The following PCDHA5 variants were observed in gnomAD, a reference collection of about 807,000 sequenced individuals.
PCDHA5 encodes protocadherin alpha-5.
In PCDHA5, 43 loss-of-function variants were observed where a neutral mutation model predicts 61.6. The observed-to-expected ratio is 0.70, with a 90% CI of 0.55 to 0.90. The LOEUF (loss-of-function observed/expected upper bound fraction) is 0.90. PCDHA5 is among the 40% of genes least tolerant of loss of function. The pLI is 0.00. For synonymous variants in PCDHA5, 627 were observed against 543.9 expected, an observed-to-expected ratio of 1.15 and a Z score of -2.13; for missense variants, 1,298 against 1,222.7, an observed-to-expected ratio of 1.06 and a Z score of -0.92.
intron 1 of PCDHA5, among the ~76,000 whole-genome samples, chr5:140,917,533 T>C (rs1584058253): frequency 6.6e-6 from 1 of 152,346 alleles, no homozygotes; most frequent in East Asian, 1.9e-4. Context: ...GTTTGTATAG[T>C]TTTAGGTTTT....
rs2150138849 is a variant in PCDHA5, at chr5:140,825,337, T to C, written c.2352+1210T>C. On this transcript the variant is annotated intron_variant, in intron 1 of 3. Transcript: ENST00000529859. Reference sequence around the variant, plus strand: ...AATTTTCTGGAAATTTGCATATTTTTCAATATATCTAATATATATTAGATA... The same window carrying C: ...AATTTTCTGGAAATTTGCATATTTTCCAATATATCTAATATATATTAGATA... 3 of 148,006 alleles carry C rather than the reference T, an allele frequency of 2.0e-5. No individual in the cohort carries two copies. In the East Asian group the frequency reaches 5.8e-4, roughly 29 times the overall value. 9.2% of individuals were successfully genotyped at this position (148,006 alleles called of 1,614,324 possible). A position where few individuals can be genotyped will look rare whatever the true frequency, so the allele number is the denominator to read the frequency against.
chr5:140,934,611 C>T (rs1346764744), intron 1 of PCDHA5, among the ~76,000 whole-genome samples: 2 of 151,950 alleles, frequency 1.3e-5, no homozygotes, highest in Non-Finnish European at 2.9e-5. Context: ...TTTGATTAGC[C>T]TGAGGTACAG....
At chr5:140,883,244 G>C in intron 1 of PCDHA5, 3 of 1,614,014 alleles carry the variant, frequency 1.9e-6, no homozygotes, top group Non-Finnish European at 2.5e-6. Context: ...AGTTGACAAA[G>C]GAAATATTCC....
Position 140,857,130 on chromosome 5 carries a change from A to T in PCDHA5, c.2352+33003A>T, listed in dbSNP as rs1554149562. 6.3e-7 allele frequency: 1 copy of T among 1,598,310 alleles called. No individual in the cohort carries two copies. The highest frequency in any genetic ancestry group is 8.6e-7 in the Non-Finnish European group (1 of 1,167,812). On this transcript the variant is annotated intron_variant, in intron 1 of 3. Coordinates refer to ENST00000529859, the MANE Select transcript of PCDHA5 (RefSeq NM_018908.3). Reference sequence around the variant, plus strand: ...TCTCTGTCTCTCCCAGTGAAAGAAGATGCTCAAGTGGGCACCGTCATTGCC... The same window carrying T: ...TCTCTGTCTCTCCCAGTGAAAGAAGTTGCTCAAGTGGGCACCGTCATTGCC...
intron 1 of PCDHA5, among the ~76,000 whole-genome samples, chr5:140,952,977 C>G (rs148504111): frequency 6.6e-6 from 1 of 152,064 alleles, no homozygotes; most frequent in East Asian, 1.9e-4. Flanking sequence ...TTTTAAACAA[C>G]AAGATCTCAT....
intron 1 of PCDHA5, chr5:140,882,620 C>T: frequency 6.2e-7 from 1 of 1,614,220 alleles, no homozygotes; most frequent in Non-Finnish European, 8.5e-7. Flanking sequence ...GCAGGTTTTC[C>T]ATGTGGAGGT....
chr5:140,938,758 A>T (rs2153638695), intron 1 of PCDHA5, among the ~76,000 whole-genome samples: 1 of 152,274 alleles, frequency 6.6e-6, no homozygotes, highest in African/African-American at 2.4e-5. Flanking sequence ...AGGCATAGTT[A>T]TTGGGTACTA....
rs1318290193 is a variant in PCDHA5, at chr5:140,849,912, C to G, written c.2352+25785C>G. ...GAAGGAGAACAACCCGCCGGGCTGCCACATCTTCACGGTGTCTGCGCGGGA... is the reference window on the plus strand; with the variant it reads ...GAAGGAGAACAACCCGCCGGGCTGCGACATCTTCACGGTGTCTGCGCGGGA... On this transcript the variant is annotated intron_variant, in intron 1 of 3. Coordinates refer to ENST00000529859, the MANE Select transcript of PCDHA5 (RefSeq NM_018908.3). 51 of 1,598,266 alleles carry G rather than the reference C, an allele frequency of 3.2e-5. 3 individuals are homozygous for G. The highest frequency in any genetic ancestry group is 4.2e-5 in the Non-Finnish European group (49 of 1,167,792).
At chr5:140,872,485 G>A (rs978511800) in intron 1 of PCDHA5, among the ~76,000 whole-genome samples, 1 of 152,080 alleles carries the variant, frequency 6.6e-6, no homozygotes, top group Non-Finnish European at 1.5e-5. Flanking sequence ...AAATTAGCCA[G>A]ACCTAGTGGT....
intron 3 of PCDHA5, among the ~76,000 whole-genome samples, chr5:141,009,358 C>G (rs993815936): frequency 8.5e-5 from 13 of 152,116 alleles, no homozygotes; most frequent in Admixed American, 6.6e-5. Flanking sequence ...ACTTGGGAGG[C>G]TAAGATGGGA....
intron 1 of PCDHA5, among the ~76,000 whole-genome samples, chr5:140,846,696 G>A (rs1487069290): frequency 1.3e-5 from 2 of 149,188 alleles, no homozygotes; most frequent in African/African-American, 2.5e-5. Context: ...TTAGCAAGTA[G>A]AGAAGATTGT....
At chr5:140,849,751 C>A (rs1664372537) in intron 1 of PCDHA5, 2 of 1,598,420 alleles carry the variant, frequency 1.3e-6, no homozygotes, top group Non-Finnish European at 1.7e-6. Flanking sequence ...GAGAGTGTGT[C>A]CGCCTACGAG....
chr5:140,948,005 T>G (rs246049), intron 1 of PCDHA5, among the ~76,000 whole-genome samples: 85,182 of 151,072 alleles, frequency 0.56, 24,606 homozygotes, highest in African/African-American at 0.69. Flanking sequence ...TTATTAAATT[T>G]AGGAAGTACC....
At chr5:141,004,186 C>T (rs1554259505) in intron 3 of PCDHA5, among the ~76,000 whole-genome samples, 1 of 152,240 alleles carries the variant, frequency 6.6e-6, no homozygotes, top group Non-Finnish European at 1.5e-5. Flanking sequence ...CTTGAGTGCT[C>T]TTAACCAAAA....
chr5:140,850,309 C>T lies in PCDHA5; in HGVS notation c.2352+26182C>T, dbSNP rs2150478880. The stretch of plus-strand genomic sequence containing the variant: ...GTGGACGCCGACTCGGGCTACAACG[C>T]GTGGCTTTCATACGAGCTGCAGCCA... On this transcript the variant is annotated intron_variant, in intron 1 of 3. Coordinates refer to ENST00000529859, the MANE Select transcript of PCDHA5 (RefSeq NM_018908.3). 1.7e-5 allele frequency: 27 copies of T among 1,597,088 alleles called. 3 individuals carry two copies. Among genetic ancestry groups the T allele is most frequent in the Non-Finnish European group, 2.3e-5 (27 of 1,167,652 alleles).
intron 2 of PCDHA5, among the ~76,000 whole-genome samples, chr5:140,981,156 T>C (rs747008016): frequency 2.9e-4 from 44 of 152,360 alleles, no homozygotes; most frequent in Admixed American, 6.5e-4. Context: ...ATTGAACTTA[T>C]ATGTTGCCTT....
chr5:140,902,666 C>A (rs1554190555), intron 1 of PCDHA5, among the ~76,000 whole-genome samples: 1 of 152,122 alleles, frequency 6.6e-6, no homozygotes, highest in Non-Finnish European at 1.5e-5. Context: ...GTCACCCAAG[C>A]AGTGTACACC....
chr5:140,868,183 T>A (rs1286748964), intron 1 of PCDHA5: 2 of 152,160 alleles, frequency 1.3e-5, no homozygotes, highest in African/African-American at 4.8e-5. Flanking sequence ...TCTCATATTA[T>A]GCTACTATGG....
Position 141,000,581 on chromosome 5 carries a change from C to G in PCDHA5, c.2501-9046C>G, listed in dbSNP as rs960660351. On this transcript the variant is annotated intron_variant, in intron 3 of 3. Transcript: ENST00000529859. ...TAGCTGGGATTACAGGTGCCTGCCA[C>G]CATGCCCAGCTAATTTTTGTATTTT... is the stretch of plus-strand genomic sequence containing the variant. 2.0e-5 allele frequency among the ~76,000 whole-genome samples: 3 copies of G among 150,722 alleles called. No individual in the cohort carries two copies. In the East Asian group the frequency reaches 5.8e-4, roughly 29 times the overall value.
Sources: allele counts gnomAD v4.1 joint callset (sites outside exome capture counted in the v4.1 genomes callset), GRCh38; gene constraint gnomAD v4.1.1; transcripts MANE v1.5; gene names NCBI Gene and HGNC (gene_info 2026-07-23, HGNC 2026-07-21).